Variants in MDN1 observed in about 807,000 individuals in gnomAD.
MDN1 encodes the protein midasin.
Under a neutral mutation model 669.2 loss-of-function variants are expected in MDN1, and 266 were observed. The ratio of observed to expected loss-of-function variants is 0.40; its 90% CI spans 0.36 to 0.44. The LOEUF (loss-of-function observed/expected upper bound fraction) is 0.44. Ranked by LOEUF, MDN1 falls within the 20% of genes least tolerant of loss-of-function variation. The pLI, the probability that MDN1 is intolerant of heterozygous loss-of-function variation, is 1.00. For missense variants in MDN1, 5,940 were observed against 6,754.0 expected (o/e 0.88, Z 4.22); for synonymous variants, 2,385 against 2,457.1 (o/e 0.97, Z 0.87).
chr6:89,749,089 A>T (rs1816821167), intron 26 of MDN1, 134 bp downstream of exon 26: 4 of 833,652 alleles, frequency 4.8e-6, no homozygotes, highest in Non-Finnish European at 6.9e-6. Flanking sequence ...TAAAAAAATT[A>T]AAAACAATAA....
In MDN1 at chr6:89,654,124, C is replaced by G. The variant is rs181183948; in HGVS notation, c.15661+40G>C. 5 of 1,610,142 alleles carry G rather than the reference C, an allele frequency of 3.1e-6. No homozygotes were observed. In the African/African-American group the frequency reaches 6.7e-5, roughly 21 times the overall value. On this transcript the variant is annotated intron_variant, in intron 93 of 101. Transcript: ENST00000369393. The stretch of plus-strand genomic sequence containing the variant: ...TGAGAGAGAACTGACTACTTCAAGT[C>G]AGAGCGCCTGGGAAGGGTTTGTTCA...
chr6:89,705,582 T>C (rs1394362043), intron 53 of MDN1, among the ~76,000 whole-genome samples: 1 of 152,232 alleles, frequency 6.6e-6, no homozygotes, highest in Non-Finnish European at 1.5e-5. Context: ...GAACTACTGA[T>C]ACATGAAACC....
intron 17 of MDN1, among the ~76,000 whole-genome samples, chr6:89,761,145 G>T (rs1817525319): frequency 6.6e-6 from 1 of 151,966 alleles, no homozygotes; most frequent in African/African-American, 2.4e-5. Flanking sequence ...CAGCCTGGGG[G>T]ACAGAGTGAG....
At chr6:89,744,517 C>T (rs373773431) in intron 29 of MDN1, among the ~76,000 whole-genome samples, 5 of 152,184 alleles carry the variant, frequency 3.3e-5, no homozygotes, top group African/African-American at 1.2e-4. Context: ...ATTCTTCTGC[C>T]TCAACCTCCT....
At chr6:89,646,511 G>T in intron 100 of MDN1, 29 bp downstream of exon 100, 25 of 1,604,350 alleles carry the variant, frequency 1.6e-5, no homozygotes, top group Non-Finnish European at 2.0e-5. Flanking sequence ...AAAGCATTTT[G>T]TTAATGAAGA....
chr6:89,758,510 T>G (rs1562188263), intron 18 of MDN1, among the ~76,000 whole-genome samples, 159 bp from the exon 19 acceptor site: 1 of 152,226 alleles, frequency 6.6e-6, no homozygotes, highest in Non-Finnish European at 1.5e-5. Context: ...AATCTAATCT[T>G]ATACTGCAGT....
chr6:89,787,097 T>G (rs1043135881), intron 8 of MDN1, among the ~76,000 whole-genome samples: 1 of 147,298 alleles, frequency 6.8e-6, no homozygotes, highest in East Asian at 2.0e-4. Context: ...AAAAGAGTAA[T>G]TGGGTCTAGG....
In MDN1 at chr6:89,731,540, A is replaced by G. The variant is rs185478851; in HGVS notation, c.4943-617T>C. Among the ~76,000 whole-genome samples, 139 of 152,178 alleles carry G rather than the reference A, an allele frequency of 9.1e-4. 1 individual carries two copies. The East Asian group carries it at 0.017, about 18-fold the overall frequency. ...AACCAAACACCACATGTTCTCACTC[A>G]TAAGTGGGAGTTGAACAATGAGAAC... On this transcript the variant is annotated intron_variant, in intron 34 of 101. Coordinates refer to ENST00000369393, the MANE Select transcript of MDN1 (RefSeq NM_014611.3).
At chr6:89,798,200 AAAGAAAG>A (rs1819714698) in intron 2 of MDN1, among the ~76,000 whole-genome samples, 1 of 150,636 alleles carries the variant, frequency 6.6e-6, no homozygotes, top group Non-Finnish European at 1.5e-5. Flanking sequence ...AAAAAAAAAA[AAAGAAAG>A]AAAGTCAAGT....
chr6:89,819,425 G>A, intron 1 of MDN1, 81 bp downstream of exon 1: 1 of 1,311,804 alleles, frequency 7.6e-7, no homozygotes, highest in Non-Finnish European at 1.1e-6. Flanking sequence ...AAAGCGGCGA[G>A]TATCGGCGGG....
rs777477016 is a variant in MDN1 at position 89,710,675 on chromosome 6, G to A, written c.7765+6C>T. ...GTGCTGAGAGCTAGAAATCAAAAGT[G>A]CATACCTGTTGTATTTGGTTGTAAT... On this transcript the variant is annotated splice_donor_region_variant and intron_variant, in intron 50 of 101. Transcript: ENST00000369393. 2 of 1,503,108 alleles carry A rather than the reference G, an allele frequency of 1.3e-6. No individual in the cohort carries two copies. Among genetic ancestry groups the A allele is most frequent in the Non-Finnish European group, 1.8e-6 (2 of 1,105,424 alleles). The allele number at this position is 1,503,108 out of a possible 1,614,324, so 93.1% of individuals were successfully genotyped here.
chr6:89,773,680 A>G (rs1008386897), intron 13 of MDN1, among the ~76,000 whole-genome samples: 1 of 152,092 alleles, frequency 6.6e-6, no homozygotes, highest in Non-Finnish European at 1.5e-5. Context: ...GAAACCAGGA[A>G]GAGGCCAGGC....
intron 1 of MDN1, among the ~76,000 whole-genome samples, chr6:89,804,845 T>C (rs562010933): frequency 6.6e-6 from 1 of 151,854 alleles, no homozygotes; most frequent in Non-Finnish European, 1.5e-5. Flanking sequence ...TCCTGGCTTG[T>C]AACATGGTGA....
rs116539645 is a variant in MDN1 at position 89,778,394 on chromosome 6, G to A, written c.1726-1699C>T. ...AAAGTCAGTTTACAAGATGCAAAAA[G>A]ACCCAAATAATGGCACCCCTAAAAT... is the stretch of plus-strand genomic sequence containing the variant. On this transcript the variant is annotated intron_variant, in intron 11 of 101. Transcript: ENST00000369393. Among the ~76,000 whole-genome samples, 1,044 of 152,004 alleles carry A rather than the reference G, an allele frequency of 6.9e-3. 16 individuals are homozygous for A. The highest frequency in any genetic ancestry group is 0.024 in the African/African-American group (1,005 of 41,472).
At chr6:89,710,550 C>T (rs1813825954) in intron 50 of MDN1, 131 bp downstream of exon 50, 2 of 458,628 alleles carry the variant, frequency 4.4e-6, no homozygotes, top group East Asian at 7.4e-5. Context: ...GGAGAATTTG[C>T]TTCTGCATAT....
chr6:89,734,670 GAAA>G (rs778207435), intron 33 of MDN1, among the ~76,000 whole-genome samples: 4 of 28,674 alleles, frequency 1.4e-4, no homozygotes, highest in Admixed American at 5.3e-4. Context: ...AAAGGAAGAA[GAAA>G]AAAAAAAAAA....
chr6:89,782,214 A>C (rs1387448921), intron 9 of MDN1, among the ~76,000 whole-genome samples: 1 of 152,170 alleles, frequency 6.6e-6, no homozygotes, highest in East Asian at 1.9e-4. Context: ...ACCAACTCTA[A>C]AGAATTTATT....
At chr6:89,665,045 G>T (rs112668366) in intron 84 of MDN1, among the ~76,000 whole-genome samples, 31 of 151,942 alleles carry the variant, frequency 2.0e-4, no homozygotes, top group African/African-American at 7.5e-4. Context: ...TTTTTATGTT[G>T]TTAGACAGTG....
chr6:89,705,999 C>A, intron 53 of MDN1, 60 bp downstream of exon 53: 1 of 1,462,676 alleles, frequency 6.8e-7, no homozygotes, highest in African/African-American at 1.4e-5. Context: ...CCCTAAGAAT[C>A]TTTATGCCAA....
Sources: allele counts gnomAD v4.1 joint callset (sites outside exome capture counted in the v4.1 genomes callset), GRCh38; gene constraint gnomAD v4.1.1; transcripts MANE v1.5; gene names NCBI Gene and HGNC (gene_info 2026-07-23, HGNC 2026-07-21).